The following HP1BP3 variants were observed in gnomAD, a reference collection of about 807,000 sequenced individuals.
HP1BP3 encodes the protein heterochromatin protein 1 binding protein 3.
A neutral mutation model predicts 62.5 loss-of-function variants in HP1BP3; 12 were observed. The observed-to-expected ratio is 0.19, with a 90% confidence interval of 0.12 to 0.31. The LOEUF is 0.31. Ranked by LOEUF, HP1BP3 falls within the 10% of genes least tolerant of loss-of-function variation. The probability of loss-of-function intolerance (pLI) is 1.00; values close to 1 mark genes in which losing one functional copy is unlikely to be tolerated. For synonymous variants in HP1BP3, 260 were observed against 237.8 expected, an observed-to-expected ratio of 1.09 and a Z score of -0.86; for missense variants, 502 against 651.8, an observed-to-expected ratio of 0.77 and a Z score of 2.50.
At chr1:20,757,653 G>A (rs1557647990) in intron 8 of HP1BP3, among the ~76,000 whole-genome samples, 2 of 152,112 alleles carry the variant, frequency 1.3e-5, no homozygotes, top group Non-Finnish European at 2.9e-5. Context: ...TTACAGGTAT[G>A]AGGCACCACG....
intron 9 of HP1BP3, among the ~76,000 whole-genome samples, chr1:20,750,836 G>C (rs1268282903): frequency 1.4e-4 from 4 of 28,010 alleles, no homozygotes; most frequent in Non-Finnish European, 2.9e-4. Context: ...TTTTTTTTTT[G>C]AGACAGAGTC....
intron 10 of HP1BP3, among the ~76,000 whole-genome samples, chr1:20,748,756 TC>T (rs1435783260): frequency 6.6e-6 from 1 of 151,062 alleles, no homozygotes; most frequent in Non-Finnish European, 1.5e-5. Flanking sequence ...ACAGCGAGAC[TC>T]CGTCTAAAAA....
intron 4 of HP1BP3, chr1:20,774,773 A>T (rs533322928): frequency 6.6e-6 from 1 of 152,342 alleles, no homozygotes; most frequent in African/African-American, 2.4e-5. Flanking sequence ...TCACAAGGTC[A>T]AAAGATTGAG....
intron 1 of HP1BP3, among the ~76,000 whole-genome samples, chr1:20,780,980 TC>T (rs2057519013): frequency 6.6e-6 from 1 of 152,182 alleles, no homozygotes; most frequent in African/African-American, 2.4e-5. Context: ...ACTTTTTTTT[TC>T]CTTCTATTAA....
At chr1:20,776,834 G>T in intron 3 of HP1BP3, 84 bp from the exon 4 acceptor site, 1 of 1,189,328 alleles carries the variant, frequency 8.4e-7, no homozygotes, top group Non-Finnish European at 1.1e-6. Flanking sequence ...CTTATTAAAC[G>T]GACCAGCCAA....
At position 20,745,485 on chromosome 1, in the gene HP1BP3, T is replaced by C. The variant is rs2055258068; in HGVS notation, c.1367+58A>G. The C allele has an allele frequency of 3.8e-6, 6 of 1,576,030 alleles. No individual in the cohort carries two copies. In the East Asian group the frequency reaches 1.3e-4, roughly 35 times the overall value. The stretch of plus-strand genomic sequence containing the variant: ...AGCTTTAGCCCCTCCTATAGCACTA[T>C]TTTTCAGCTCTGAGGTATTTAGTGT... On this transcript the variant is annotated intron_variant, in intron 12 of 12. Coordinates refer to ENST00000438032, the MANE Select transcript of HP1BP3 (RefSeq NM_001372052.1).
At chr1:20,777,602 G>A (rs778598394) in intron 3 of HP1BP3, among the ~76,000 whole-genome samples, 1 of 152,118 alleles carries the variant, frequency 6.6e-6, no homozygotes, top group Non-Finnish European at 1.5e-5. Flanking sequence ...GGGACTACAG[G>A]TGCGTGCCGC....
At chr1:20,759,880 ATTTT>A (rs71014104) in intron 8 of HP1BP3, among the ~76,000 whole-genome samples, 5 of 113,014 alleles carry the variant, frequency 4.4e-5, no homozygotes, top group Admixed American at 9.9e-5. Flanking sequence ...TTAAAGACCG[ATTTT>A]TTTTTTTTTT....
intron 6 of HP1BP3, 110 bp from the exon 7 acceptor site, chr1:20,767,774 C>CAA: frequency 8.1e-6 from 5 of 614,614 alleles, no homozygotes; most frequent in East Asian, 3.0e-5. Flanking sequence ...TTTACTTCTT[C>CAA]AGAGAAAAAA....
chr1:20,760,102 A>G (rs1204284429), intron 8 of HP1BP3, among the ~76,000 whole-genome samples: 1 of 151,964 alleles, frequency 6.6e-6, no homozygotes, highest in Non-Finnish European at 1.5e-5. Flanking sequence ...TTGGCCAGGA[A>G]GGTCTCCAAC....
At chr1:20,756,566 T>C (rs761740203) in intron 9 of HP1BP3, among the ~76,000 whole-genome samples, 4 of 152,050 alleles carry the variant, frequency 2.6e-5, no homozygotes, top group South Asian at 2.1e-4. Flanking sequence ...AGAAACACTG[T>C]CTCAAAAAAA....
intron 1 of HP1BP3, among the ~76,000 whole-genome samples, chr1:20,783,190 A>C (rs2057653255): frequency 6.6e-6 from 1 of 152,192 alleles, no homozygotes; most frequent in African/African-American, 2.4e-5. Flanking sequence ...ATTATGTGTG[A>C]AGAACACTTA....
intron 9 of HP1BP3, among the ~76,000 whole-genome samples, chr1:20,753,750 G>A (rs1002771709): frequency 2.6e-5 from 4 of 152,072 alleles, no homozygotes; most frequent in Admixed American, 1.3e-4. Context: ...CAGACCACAC[G>A]AACAAAGGAC....
At chr1:20,775,865 T>A in intron 4 of HP1BP3, 1 of 1,233,420 alleles carries the variant, frequency 8.1e-7, no homozygotes, top group Non-Finnish European at 1.1e-6. Context: ...CTTTATGATG[T>A]TGGCACGATG....
intron 6 of HP1BP3, 81 bp downstream of exon 6, chr1:20,770,849 C>G (rs1342460211): frequency 1.8e-6 from 2 of 1,089,794 alleles, no homozygotes; most frequent in Non-Finnish European, 1.3e-6. Context: ...AAAAAAGGCA[C>G]AAAAAGCCTA....
chr1:20,781,644 T>A (rs893520850), intron 1 of HP1BP3, among the ~76,000 whole-genome samples: 5 of 152,224 alleles, frequency 3.3e-5, no homozygotes, highest in African/African-American at 1.2e-4. Context: ...TTTCTTTTTT[T>A]GAGACGGAGT....
rs552980906 is a variant in HP1BP3 at position 20,780,873 on chromosome 1, T to A, written c.-100-333A>T. Among the ~76,000 whole-genome samples, 71 of 152,290 alleles carry A rather than the reference T, an allele frequency of 4.7e-4. No homozygotes were observed. In the South Asian group the frequency reaches 0.012, roughly 26 times the overall value. On this transcript the variant is annotated intron_variant, in intron 1 of 12. Coordinates refer to ENST00000438032, the MANE Select transcript of HP1BP3 (RefSeq NM_001372052.1). ...AATAAAGAGACTAAGGAACAGTTAG[T>A]CAAAGATCAGTTTACCAAGAGAAGG...
intron 8 of HP1BP3, among the ~76,000 whole-genome samples, chr1:20,763,799 T>C (rs1201964014): frequency 6.6e-6 from 1 of 152,212 alleles, no homozygotes; most frequent in Non-Finnish European, 1.5e-5. Context: ...CATGTTTAAA[T>C]GATGGAAACA....
rs2055116408 is a variant in HP1BP3 at position 20,742,686 on chromosome 1, A to C, written c.*2111T>G. 6.5e-6 allele frequency: 1 copy of C among 152,688 alleles called. No homozygotes were observed. The highest frequency in any genetic ancestry group is 2.4e-5 in the African/African-American group (1 of 41,468). 9.5% of individuals were successfully genotyped at this position (152,688 alleles called of 1,614,324 possible). A position where few individuals can be genotyped will look rare whatever the true frequency, so the allele number is the denominator to read the frequency against. ...TATAAGCTACGGTTCAGCAGCTTTT[A>C]AAATTTCATGTTTATTCATATTTTT... is the stretch of plus-strand genomic sequence containing the variant. On this transcript the variant is annotated 3_prime_UTR_variant, in exon 13 of 13. Coordinates refer to ENST00000438032, the MANE Select transcript of HP1BP3 (RefSeq NM_001372052.1).
Sources: allele counts gnomAD v4.1 joint callset (sites outside exome capture counted in the v4.1 genomes callset), GRCh38; gene constraint gnomAD v4.1.1; transcripts MANE v1.5; gene names NCBI Gene and HGNC (gene_info 2026-07-23, HGNC 2026-07-21).